LRP1B: variants seen among roughly 807,000 people sequenced by gnomAD.
LRP1B encodes low-density lipoprotein receptor-related protein 1B.
In LRP1B, 217 loss-of-function variants were observed where a neutral mutation model predicts 556.6. That is an observed-to-expected ratio of 0.39 (90% CI 0.35 to 0.44). LRP1B has a LOEUF of 0.44. Among genes scored for constraint, LRP1B ranks in the 20% least tolerant of loss-of-function variants. The pLI is 1.00. For synonymous variants in LRP1B, 2,047 were observed against 1,865.8 expected (o/e 1.10, Z -2.50); for missense variants, 5,053 against 5,620.8 (o/e 0.90, Z 3.23).
chr2:141,862,580 T>A (rs1342042107), intron 1 of LRP1B, among the ~76,000 whole-genome samples: 1 of 152,164 alleles, frequency 6.6e-6, no homozygotes, highest in Non-Finnish European at 1.5e-5. Context: ...GGCTAATTTT[T>A]GTGTTTTTAG....
At chr2:141,127,220 A>G (rs994193835) in intron 7 of LRP1B, among the ~76,000 whole-genome samples, 11 of 152,158 alleles carry the variant, frequency 7.2e-5, no homozygotes, top group Non-Finnish European at 1.6e-4. Flanking sequence ...AATGGTGATA[A>G]TTAAAAAGTC....
At chr2:141,344,210 T>A (rs1688167665) in intron 3 of LRP1B, among the ~76,000 whole-genome samples, 1 of 152,160 alleles carries the variant, frequency 6.6e-6, no homozygotes, top group Non-Finnish European at 1.5e-5. Context: ...CTGATTGAAA[T>A]TTAAATAAAA....
At chr2:141,889,381 C>T (rs1699214331) in intron 1 of LRP1B, among the ~76,000 whole-genome samples, 1 of 152,082 alleles carries the variant, frequency 6.6e-6, no homozygotes, top group Admixed American at 6.6e-5. Flanking sequence ...TTTGCAAACT[C>T]ATCATGTTTC....
intron 2 of LRP1B, among the ~76,000 whole-genome samples, chr2:141,692,754 G>T (rs1239211789): frequency 6.6e-6 from 1 of 151,914 alleles, no homozygotes; most frequent in African/African-American, 2.4e-5. Context: ...TAGGCTATAT[G>T]GTGCAGCCTG....
At position 141,129,767 on chromosome 2, in the gene LRP1B, A is replaced by T. The variant is rs115452341; in HGVS notation, c.1013+58654T>A. On this transcript the variant is annotated intron_variant, in intron 7 of 90. Transcript: ENST00000389484. ...ATAGGAACAAAATTCATATACTAAC[A>T]GCAATATCCATTTAATAAACAAATA... Among the ~76,000 whole-genome samples the T allele has an allele frequency of 5.4e-3, 582 of 108,774 alleles. 3 individuals are homozygous for T. The highest frequency in any genetic ancestry group is 0.019 in the African/African-American group (544 of 28,788). The allele number at this position is 108,774 out of a possible 152,430, so 71.4% of individuals were successfully genotyped here. A position where few individuals can be genotyped will look rare whatever the true frequency, so the allele number is the denominator to read the frequency against.
chr2:141,450,591 T>C (rs1681383573), intron 3 of LRP1B, among the ~76,000 whole-genome samples: 1 of 151,110 alleles, frequency 6.6e-6, no homozygotes, highest in Admixed American at 6.6e-5. Context: ...AAAATATATA[T>C]ATATAATTAG....
intron 23 of LRP1B, among the ~76,000 whole-genome samples, chr2:140,889,110 A>G (rs1260266411): frequency 2.6e-5 from 4 of 152,246 alleles, no homozygotes; most frequent in Admixed American, 6.5e-5. Context: ...AGTTATCTAC[A>G]TAGACTGCTG....
intron 1 of LRP1B, among the ~76,000 whole-genome samples, chr2:142,106,131 A>T (rs185373127): frequency 1.3e-5 from 2 of 152,290 alleles, no homozygotes; most frequent in Admixed American, 1.3e-4. Flanking sequence ...TTCAAAGTAC[A>T]ATTTTATTTA....
intron 1 of LRP1B, among the ~76,000 whole-genome samples, chr2:141,844,034 C>G (rs1697562221): frequency 1.3e-5 from 2 of 152,102 alleles, no homozygotes; most frequent in Non-Finnish European, 2.9e-5. Flanking sequence ...ATTGCACCTT[C>G]CCTTCTCACA....
chr2:140,986,744 T>A (rs959009609), intron 17 of LRP1B, among the ~76,000 whole-genome samples: 4 of 152,188 alleles, frequency 2.6e-5, no homozygotes, highest in Non-Finnish European at 5.9e-5. Flanking sequence ...CAGTCTTCAC[T>A]CTTAGCTTCT....
At chr2:140,689,690 T>G (rs1308435479) in intron 41 of LRP1B, among the ~76,000 whole-genome samples, 1 of 152,200 alleles carries the variant, frequency 6.6e-6, no homozygotes, top group Non-Finnish European at 1.5e-5. Context: ...TTGTGATGGA[T>G]GTGTCAGTTT....
intron 1 of LRP1B, among the ~76,000 whole-genome samples, chr2:141,961,761 A>G (rs1701409688): frequency 6.6e-6 from 1 of 151,750 alleles, no homozygotes; most frequent in Non-Finnish European, 1.5e-5. Flanking sequence ...GGTGTAATGT[A>G]TATTTGCCTT....
At chr2:141,532,684 T>C (rs1167605972) in intron 2 of LRP1B, among the ~76,000 whole-genome samples, 1 of 152,036 alleles carries the variant, frequency 6.6e-6, no homozygotes, top group Non-Finnish European at 1.5e-5. Flanking sequence ...ACTCACAGTG[T>C]ACAGTCAAAA....
In LRP1B at chr2:141,350,503, G is replaced by A. The variant is rs1397709584; in HGVS notation, c.344-95862C>T. Among the ~76,000 whole-genome samples, 4 of 151,932 alleles carry A rather than the reference G, an allele frequency of 2.6e-5. No individual in the cohort carries two copies. In the East Asian group the frequency reaches 7.7e-4, roughly 29 times the overall value. Reference sequence around the variant, plus strand: ...GAAACATTTTTCTTTGAATTCTAGAGGTTCACTTACCATAGCATCCTAAGG... The same window carrying A: ...GAAACATTTTTCTTTGAATTCTAGAAGTTCACTTACCATAGCATCCTAAGG... On this transcript the variant is annotated intron_variant, in intron 3 of 90. Transcript: ENST00000389484.
chr2:141,715,069 A>C (rs1392796804), intron 2 of LRP1B, among the ~76,000 whole-genome samples: 1 of 152,296 alleles, frequency 6.6e-6, no homozygotes, highest in Non-Finnish European at 1.5e-5. Flanking sequence ...GAATGACCCA[A>C]GTTTGGTTCT....
intron 3 of LRP1B, among the ~76,000 whole-genome samples, chr2:141,341,776 G>T (rs1273822785): frequency 2.0e-5 from 3 of 152,116 alleles, no homozygotes; most frequent in Non-Finnish European, 4.4e-5. Flanking sequence ...ATTTTTAAAA[G>T]ATGTCAGCAT....
At chr2:141,058,494 C>T (rs1014889236) in intron 9 of LRP1B, among the ~76,000 whole-genome samples, 3 of 151,734 alleles carry the variant, frequency 2.0e-5, no homozygotes, top group Non-Finnish European at 4.4e-5. Flanking sequence ...GTTAGGAGAG[C>T]CCAATGACTA....
chr2:142,014,733 T>C (rs575535789), intron 1 of LRP1B, among the ~76,000 whole-genome samples: 13 of 152,196 alleles, frequency 8.5e-5, no homozygotes, highest in African/African-American at 3.1e-4. Context: ...TACTGTGTGG[T>C]CATAGTTACA....
chr2:141,048,593 T>G (rs565016968), intron 11 of LRP1B, among the ~76,000 whole-genome samples: 4 of 152,116 alleles, frequency 2.6e-5, no homozygotes, highest in Non-Finnish European at 5.9e-5. Flanking sequence ...ATATTTTTCA[T>G]GCATTTTGAG....
Sources: gnomAD v4.1 joint callset for allele counts (sites outside exome capture counted in the v4.1 genomes callset) on GRCh38, gnomAD v4.1.1 for gene constraint, MANE v1.5 for transcripts, NCBI Gene and HGNC (gene_info 2026-07-23, HGNC 2026-07-21) for gene names.